ANK3: variants seen among roughly 807,000 people sequenced by gnomAD.
The protein encoded by ANK3 is ankyrin-3.
In ANK3, 57 loss-of-function variants were observed where a neutral mutation model predicts 370.9. The observed-to-expected ratio is 0.15, with a 90% CI of 0.12 to 0.19. ANK3 has a LOEUF of 0.19. ANK3 is among the 10% of genes least tolerant of loss of function. The pLI, the probability that ANK3 is intolerant of heterozygous loss-of-function variation, is 1.00. For synonymous variants in ANK3, 1,929 were observed against 1,946.3 expected, an observed-to-expected ratio of 0.99 and a Z score of 0.23; for missense variants, 4,439 against 5,302.1, an observed-to-expected ratio of 0.84 and a Z score of 5.06.
chr10:60,558,694 A>C (rs2077264820), intron 2 of ANK3, among the ~76,000 whole-genome samples: 1 of 152,242 alleles, frequency 6.6e-6, no homozygotes, highest in African/African-American at 2.4e-5. Flanking sequence ...AATCTTACAC[A>C]AATATATTAA....
chr10:60,446,783 T>C (rs1432604725), intron 2 of ANK3, among the ~76,000 whole-genome samples: 1 of 152,096 alleles, frequency 6.6e-6, no homozygotes, highest in East Asian at 1.9e-4. Context: ...TTTTATATTA[T>C]CAAGACAAAT....
chr10:60,493,730 C>A (rs952355950), intron 2 of ANK3, among the ~76,000 whole-genome samples: 9 of 151,718 alleles, frequency 5.9e-5, no homozygotes, highest in Non-Finnish European at 1.2e-4. Flanking sequence ...GCCAACCCCC[C>A]AAAATGGGTT....
intron 42 of ANK3, among the ~76,000 whole-genome samples, chr10:60,050,444 G>T (rs1469843788): frequency 6.6e-6 from 1 of 152,140 alleles, no homozygotes; most frequent in Non-Finnish European, 1.5e-5. Flanking sequence ...AAGAAATTTT[G>T]GACACCTGTG....
intron 1 of ANK3, among the ~76,000 whole-genome samples, chr10:60,327,236 A>G (rs998650819): frequency 2.0e-5 from 3 of 152,168 alleles, no homozygotes; most frequent in Admixed American, 2.0e-4. Flanking sequence ...TTCTTGGGCT[A>G]CTGATATTCA....
In ANK3 at chr10:60,366,636, G is replaced by A. The variant is rs183397563; in HGVS notation, c.114+22789C>T. ...AGAGGCAGGAAGTGAGGGGGCTTGG[G>A]GAGGAAGGGAAGGAGGAAAGAGGGG... On this transcript the variant is annotated intron_variant, in intron 1 of 43. Coordinates refer to ENST00000280772, the MANE Select transcript of ANK3 (RefSeq NM_020987.5). Among the ~76,000 whole-genome samples the A allele has an allele frequency of 5.2e-3, 797 of 152,098 alleles. 7 individuals are homozygous for A. The highest frequency in any genetic ancestry group is 0.019 in the African/African-American group (771 of 41,488).
At chr10:60,423,299 A>G (rs2063815353) in intron 2 of ANK3, among the ~76,000 whole-genome samples, 1 of 150,424 alleles carries the variant, frequency 6.6e-6, no homozygotes, top group Non-Finnish European at 1.5e-5. Flanking sequence ...ACAATCATTG[A>G]TTTTTAAATA....
At chr10:60,303,735 G>A (rs960787841) in intron 1 of ANK3, among the ~76,000 whole-genome samples, 2 of 152,080 alleles carry the variant, frequency 1.3e-5, no homozygotes, top group Non-Finnish European at 2.9e-5. Context: ...CCCCACTACT[G>A]GGTATATTGC....
At chr10:60,033,380 T>G (rs1340818459) in intron 43 of ANK3, among the ~76,000 whole-genome samples, 2 of 151,542 alleles carry the variant, frequency 1.3e-5, no homozygotes, top group Admixed American at 6.6e-5. Context: ...CCGGGTGAGG[T>G]GGCAGGCACC....
In ANK3 at chr10:60,317,710, A is replaced by AT. The variant is rs11365078; in HGVS notation, c.115-38072dup. On this transcript the variant is annotated intron_variant, in intron 1 of 43. Transcript: ENST00000280772. ...GCCCCAAACATCAACTCATGAGATA[A>AT]TTTTTTTTTTTTTTTTTTTTTGAGA... Among the ~76,000 whole-genome samples the AT allele has an allele frequency of 2.9e-3, 317 of 109,318 alleles. 2 individuals are homozygous for AT. The highest frequency in any genetic ancestry group is 5.7e-3 in the Admixed American group (57 of 10,074). 71.7% of individuals were successfully genotyped at this position (109,318 alleles called of 152,430 possible).
chr10:60,677,496 A>T (rs565294737), intron 1 of ANK3, among the ~76,000 whole-genome samples: 7 of 152,250 alleles, frequency 4.6e-5, no homozygotes, highest in South Asian at 4.1e-4. Flanking sequence ...ATAACTTTTT[A>T]AAAAAACTGA....
At chr10:60,294,486 T>C (rs1401344394) in intron 1 of ANK3, among the ~76,000 whole-genome samples, 1 of 152,210 alleles carries the variant, frequency 6.6e-6, no homozygotes, top group Non-Finnish European at 1.5e-5. Flanking sequence ...TGAAACTATG[T>C]GCCTTTTTTG....
chr10:60,053,693 G>A, intron 42 of ANK3: 1 of 1,303,958 alleles, frequency 7.7e-7, no homozygotes, highest in Non-Finnish European at 1.0e-6. Flanking sequence ...ACAGCAGGCA[G>A]TCATCCGTGT....
intron 2 of ANK3, among the ~76,000 whole-genome samples, chr10:60,464,343 T>C (rs1334770904): frequency 6.6e-6 from 1 of 152,208 alleles, no homozygotes; most frequent in Non-Finnish European, 1.5e-5. Context: ...TGCTTCAAAT[T>C]AACACATATC....
intron 1 of ANK3, among the ~76,000 whole-genome samples, chr10:60,326,883 C>A (rs1321854727): frequency 1.5e-5 from 1 of 65,392 alleles, no homozygotes; most frequent in Non-Finnish European, 3.7e-5. Context: ...TAGTCGGGTG[C>A]GGTGCGGGCG....
At position 60,074,117 on chromosome 10, in the gene ANK3, T is replaced by C. The variant is rs1477946130; in HGVS notation, c.6764A>G (p.His2255Arg). ...TGCACCTTCACCGCCTGGTGGAGAA[T>C]GATAAACCATTCTGGTGGTTGTGGT... is the stretch of plus-strand genomic sequence containing the variant. Reference protein sequence around the residue: ...HITTTTRMVYHSPPGGEGASE... With the variant: ...HITTTTRMVYRSPPGGEGASE... The change falls in exon 37 of 44, where the codon CAT becomes CGT. Residue 2255 changes from histidine to arginine, a missense_variant. This residue lies in a region of ANK3 where 1,601 missense variants were observed against 1,731.7 expected (regional missense o/e 0.92). Transcript: ENST00000280772. 1.2e-6 allele frequency: 2 copies of C among 1,613,842 alleles called. No individual in the cohort carries two copies. Among genetic ancestry groups the C allele is most frequent in the Admixed American group, 3.3e-5 (2 of 59,974 alleles).
At chr10:60,725,767 T>C (rs951407506) in intron 1 of ANK3, among the ~76,000 whole-genome samples, 2 of 152,156 alleles carry the variant, frequency 1.3e-5, no homozygotes, top group African/African-American at 4.8e-5. Flanking sequence ...TTTGTTCTTA[T>C]AATGAAAGTT....
chr10:60,565,007 C>T (rs1372498856), intron 2 of ANK3, among the ~76,000 whole-genome samples: 7 of 152,088 alleles, frequency 4.6e-5, no homozygotes. Flanking sequence ...ATGAAGCACT[C>T]AAGGGACCAA....
chr10:60,583,685 C>T (rs138800082), intron 2 of ANK3, among the ~76,000 whole-genome samples: 26 of 151,964 alleles, frequency 1.7e-4, no homozygotes, highest in African/African-American at 5.5e-4. Flanking sequence ...CGGGTTCACG[C>T]GATTCTCCTG....
chr10:60,522,976 A>G (rs537669718), intron 2 of ANK3, among the ~76,000 whole-genome samples: 1 of 152,084 alleles, frequency 6.6e-6, no homozygotes, highest in African/African-American at 2.4e-5. Flanking sequence ...GATAAAATTT[A>G]TTTGCCTATC....
Sources: gnomAD v4.1 joint callset for allele counts (sites outside exome capture counted in the v4.1 genomes callset) on GRCh38, gnomAD v4.1.1 for gene constraint, gnomAD v4.1.1 regional missense constraint, MANE v1.5 for transcripts, NCBI Gene and HGNC (gene_info 2026-07-23, HGNC 2026-07-21) for gene names.